The following CREB5 variants were observed in gnomAD, a reference collection of about 807,000 sequenced individuals.
CREB5 encodes the protein cAMP responsive element binding protein 5.
A neutral mutation model predicts 57.1 loss-of-function variants in CREB5; 19 were observed. That is an observed-to-expected ratio of 0.33 (90% confidence interval 0.23 to 0.49). The LOEUF (loss-of-function observed/expected upper bound fraction) is 0.49. Among genes scored for constraint, CREB5 ranks in the 20% least tolerant of loss-of-function variants. The probability of loss-of-function intolerance (pLI) is 0.99; values close to 1 mark genes in which losing one functional copy is unlikely to be tolerated. For missense variants in CREB5, 579 were observed against 671.6 expected, an observed-to-expected ratio of 0.86 and a Z score of 1.52; for synonymous variants, 238 against 238.3, an observed-to-expected ratio of 1.00 and a Z score of 0.01.
chr7:28,314,883 G>A (rs1387449103), intron 1 of CREB5, among the ~76,000 whole-genome samples: 1 of 152,224 alleles, frequency 6.6e-6, no homozygotes, highest in Non-Finnish European at 1.5e-5. Flanking sequence ...ACATCAGCGT[G>A]TTGAAGGCTG....
intron 7 of CREB5, among the ~76,000 whole-genome samples, chr7:28,726,260 C>T (rs533830564): frequency 6.6e-6 from 1 of 152,222 alleles, no homozygotes; most frequent in East Asian, 1.9e-4. Flanking sequence ...TACAGCTATT[C>T]TCTGCCCCAA....
At chr7:28,401,383 G>A (rs765463871) in intron 1 of CREB5, among the ~76,000 whole-genome samples, 31 of 145,186 alleles carry the variant, frequency 2.1e-4, no homozygotes, top group Non-Finnish European at 3.8e-4. Context: ...GCTGTCTATT[G>A]TTATTTTTTT....
intron 1 of CREB5, among the ~76,000 whole-genome samples, chr7:28,310,770 A>G (rs902965982): frequency 1.3e-5 from 2 of 152,190 alleles, no homozygotes; most frequent in African/African-American, 4.8e-5. Context: ...TGTCATTTTT[A>G]CCTCTACGTG....
At chr7:28,324,837 C>T (rs1241730354) in intron 1 of CREB5, among the ~76,000 whole-genome samples, 1 of 152,224 alleles carries the variant, frequency 6.6e-6, no homozygotes, top group African/African-American at 2.4e-5. Context: ...TTCTTTCCCT[C>T]CCAAATCTGG....
At chr7:28,466,210 T>TAAAAAAAAAAAAAAAAAAAA (rs5883134) in intron 1 of CREB5, among the ~76,000 whole-genome samples, 1 of 94,746 alleles carries the variant, frequency 1.1e-5, no homozygotes, top group Non-Finnish European at 2.1e-5. Context: ...TGACTGGAGT[T>TAAAAAAAAAAAAAAAAAAAA]AAAAAAAAAA....
At chr7:28,717,778 G>T (rs910244700) in intron 5 of CREB5, among the ~76,000 whole-genome samples, 1 of 152,092 alleles carries the variant, frequency 6.6e-6, no homozygotes. Flanking sequence ...GTCCTGGGAG[G>T]TTTTTGTTTG....
At chr7:28,743,114 C>T (rs1804471752) in intron 7 of CREB5, among the ~76,000 whole-genome samples, 1 of 152,174 alleles carries the variant, frequency 6.6e-6, no homozygotes, top group Non-Finnish European at 1.5e-5. Context: ...AGTGTTGAGA[C>T]TTGGATGACA....
At position 28,824,388 on chromosome 7, in the gene CREB5, C is replaced by T. The variant is rs1298643492; in HGVS notation, c.*5109C>T. 2 of 152,604 alleles carry T rather than the reference C, an allele frequency of 1.3e-5. No homozygotes were observed. The highest frequency in any genetic ancestry group is 2.9e-5 in the Non-Finnish European group (2 of 68,046). The allele number at this position is 152,604 out of a possible 1,614,324, so 9.5% of individuals were successfully genotyped here. A position where few individuals can be genotyped will look rare whatever the true frequency, so the allele number is the denominator to read the frequency against. ...TTATTCTTTTGTGCACCCTGGTGCA[C>T]ATCTGACTGTTGTCCTAGCCATAGA... On this transcript the variant is annotated 3_prime_UTR_variant, in exon 11 of 11. Coordinates refer to ENST00000357727, the MANE Select transcript of CREB5 (RefSeq NM_182898.4).
chr7:28,722,695 G>A (rs563121225), intron 6 of CREB5, among the ~76,000 whole-genome samples: 1 of 152,218 alleles, frequency 6.6e-6, no homozygotes, highest in South Asian at 2.1e-4. Flanking sequence ...AAAGTTGTAC[G>A]GAAGTGCTTG....
intron 4 of CREB5, among the ~76,000 whole-genome samples, chr7:28,521,471 C>G (rs1793206195): frequency 1.3e-5 from 2 of 152,208 alleles, no homozygotes; most frequent in South Asian, 4.1e-4. Context: ...GAGCCAAGCT[C>G]TGTTTATCAC....
chr7:28,702,645 C>A (rs1801921951), intron 5 of CREB5, among the ~76,000 whole-genome samples: 1 of 152,194 alleles, frequency 6.6e-6, no homozygotes, highest in Non-Finnish European at 1.5e-5. Flanking sequence ...AAATGCATAG[C>A]CCCTGCCTCC....
Position 28,818,528 on chromosome 7 carries a change from G to A in CREB5, c.1363+349G>A, listed in dbSNP as rs555539786. ...TCGCCTTCAGAAATCTGTGGTCTGG[G>A]AACCAGGCCTTGGGTGAATCATATC... On this transcript the variant is annotated intron_variant, in intron 10 of 10. Coordinates refer to ENST00000357727, the MANE Select transcript of CREB5 (RefSeq NM_182898.4). 6.6e-5 allele frequency among the ~76,000 whole-genome samples: 10 copies of A among 152,306 alleles called. No individual in the cohort carries two copies. The East Asian group carries it at 1.4e-3, about 21-fold the overall frequency.
At chr7:28,667,991 T>C (rs1216465896) in intron 5 of CREB5, among the ~76,000 whole-genome samples, 2 of 152,244 alleles carry the variant, frequency 1.3e-5, no homozygotes, top group Non-Finnish European at 2.9e-5. Context: ...TTCAGTCACA[T>C]GAAGTTAATC....
chr7:28,551,673 G>C (rs73301144), intron 4 of CREB5, among the ~76,000 whole-genome samples: 3,423 of 152,200 alleles, frequency 0.022, 122 homozygotes, highest in African/African-American at 0.077. Context: ...CCCGAGACCT[G>C]ACCAAGGTTG....
chr7:28,698,916 C>T (rs1396414684), intron 5 of CREB5, among the ~76,000 whole-genome samples: 1 of 152,156 alleles, frequency 6.6e-6, no homozygotes, highest in Non-Finnish European at 1.5e-5. Context: ...ATTCAATGCC[C>T]TCCAATTATT....
intron 5 of CREB5, among the ~76,000 whole-genome samples, chr7:28,705,608 G>A (rs1205019671): frequency 6.6e-6 from 1 of 152,120 alleles, no homozygotes; most frequent in Non-Finnish European, 1.5e-5. Context: ...AGTCCCTCTG[G>A]GGAAAATGTT....
At chr7:28,759,787 G>A (rs1244944381) in intron 7 of CREB5, among the ~76,000 whole-genome samples, 1 of 152,218 alleles carries the variant, frequency 6.6e-6, no homozygotes, top group Non-Finnish European at 1.5e-5. Context: ...TCTGGGCAGT[G>A]GGAACCATTT....
At chr7:28,807,791 A>G (rs1193810775) in intron 8 of CREB5, among the ~76,000 whole-genome samples, 20 of 150,582 alleles carry the variant, frequency 1.3e-4, no homozygotes, top group Admixed American at 1.3e-3. Context: ...TGGGAGAGGA[A>G]AAAAAAAAAC....
intron 6 of CREB5, among the ~76,000 whole-genome samples, chr7:28,723,176 A>G (rs950230127): frequency 2.0e-5 from 3 of 152,198 alleles, no homozygotes; most frequent in Non-Finnish European, 4.4e-5. Flanking sequence ...ACACGCTTGC[A>G]TTGAAGAATC....
Sources: allele counts gnomAD v4.1 joint callset (sites outside exome capture counted in the v4.1 genomes callset), GRCh38; gene constraint gnomAD v4.1.1; transcripts MANE v1.5; gene names NCBI Gene and HGNC (gene_info 2026-07-23, HGNC 2026-07-21).